KLHL14: variants seen among roughly 807,000 people sequenced by gnomAD.
KLHL14 encodes the protein kelch like family member 14.
Under a neutral mutation model 64.3 loss-of-function variants are expected in KLHL14, and 22 were observed. The ratio of observed to expected loss-of-function variants is 0.34; its 90% CI spans 0.24 to 0.49. The LOEUF is 0.49. Ranked by LOEUF, KLHL14 falls within the 20% of genes least tolerant of loss-of-function variation. KLHL14 has a pLI of 0.99. For synonymous variants in KLHL14, 322 were observed against 333.4 expected (o/e 0.97, Z 0.37); for missense variants, 661 against 789.0 (o/e 0.84, Z 1.94).
At chr18:32,722,207 G>A (rs1263423707) in intron 3 of KLHL14, among the ~76,000 whole-genome samples, 2 of 152,144 alleles carry the variant, frequency 1.3e-5, no homozygotes, top group Non-Finnish European at 2.9e-5. Flanking sequence ...TAATTACCCA[G>A]TCTTAGATAT....
intron 8 of KLHL14, among the ~76,000 whole-genome samples, chr18:32,676,185 C>A (rs1044117523): frequency 6.6e-6 from 1 of 152,236 alleles, no homozygotes; most frequent in Admixed American, 6.5e-5. Flanking sequence ...TTTAATTATG[C>A]CCTTATCTCT....
At chr18:32,747,046 A>G (rs1390339341) in intron 2 of KLHL14, among the ~76,000 whole-genome samples, 2 of 152,256 alleles carry the variant, frequency 1.3e-5, no homozygotes, top group African/African-American at 4.8e-5. Flanking sequence ...TTTTTTAAAC[A>G]AGTAATTATT....
At chr18:32,731,719 T>C (rs2050137901) in intron 3 of KLHL14, among the ~76,000 whole-genome samples, 1 of 152,034 alleles carries the variant, frequency 6.6e-6, no homozygotes, top group East Asian at 1.9e-4. Flanking sequence ...TCTACGTGTA[T>C]ATATCTATAT....
chr18:32,727,120 A>G (rs1260641137), intron 3 of KLHL14, among the ~76,000 whole-genome samples: 2 of 152,222 alleles, frequency 1.3e-5, no homozygotes, highest in African/African-American at 4.8e-5. Flanking sequence ...TGGCTACTAT[A>G]TTTGTGAATG....
intron 3 of KLHL14, chr18:32,740,660 A>G (rs1458205025): frequency 6.6e-6 from 1 of 152,228 alleles, no homozygotes; most frequent in Non-Finnish European, 1.5e-5. Context: ...CGATGTTTAA[A>G]CCACTACTAA....
intron 3 of KLHL14, among the ~76,000 whole-genome samples, chr18:32,735,410 G>A (rs978478857): frequency 6.6e-6 from 1 of 152,132 alleles, no homozygotes. Context: ...GCCTGCCATT[G>A]AAGTTCCTGT....
chr18:32,684,515 T>C (rs963865395), intron 5 of KLHL14, among the ~76,000 whole-genome samples: 34 of 152,252 alleles, frequency 2.2e-4, no homozygotes, highest in Middle Eastern at 3.4e-3. Context: ...GTCTATAACT[T>C]AAAATGAAAT....
chr18:32,745,970 T>A (rs745528306), intron 2 of KLHL14, among the ~76,000 whole-genome samples: 34 of 152,224 alleles, frequency 2.2e-4, no homozygotes, highest in Non-Finnish European at 3.2e-4. Context: ...CTTTACAGGT[T>A]TAATTTTAGA....
chr18:32,752,282 G>A (rs980764734), intron 2 of KLHL14, among the ~76,000 whole-genome samples: 2 of 151,974 alleles, frequency 1.3e-5, no homozygotes, highest in Admixed American at 6.6e-5. Context: ...TCCCTTACTT[G>A]TTTCAAGGTT....
chr18:32,757,942 C>T (rs12457641), intron 2 of KLHL14, among the ~76,000 whole-genome samples: 36,346 of 152,092 alleles, frequency 0.24, 5,481 homozygotes, highest in East Asian at 0.56. Flanking sequence ...AATAGTATAA[C>T]ATGTTCCTGC....
chr18:32,728,469 C>G lies in KLHL14; in HGVS notation c.1069+13459G>C, dbSNP rs2050118270. On this transcript the variant is annotated intron_variant, in intron 3 of 8. Coordinates refer to ENST00000359358, the MANE Select transcript of KLHL14 (RefSeq NM_020805.3). Reference sequence around the variant, plus strand: ...TGAAGTGCTTAGAATTTTGTTATATCTTTTTCTTATGTGTGTCATTCTCTA... The same window carrying G: ...TGAAGTGCTTAGAATTTTGTTATATGTTTTTCTTATGTGTGTCATTCTCTA... Among the ~76,000 whole-genome samples, 4 of 152,244 alleles carry G rather than the reference C, an allele frequency of 2.6e-5. No individual in the cohort carries two copies. In the South Asian group the frequency reaches 8.3e-4, roughly 32 times the overall value.
chr18:32,679,518 T>C (rs2144464884), intron 7 of KLHL14, among the ~76,000 whole-genome samples: 1 of 152,260 alleles, frequency 6.6e-6, no homozygotes, highest in African/African-American at 2.4e-5. Flanking sequence ...ACATTCAGTG[T>C]TACATGCATG....
Position 32,693,405 on chromosome 18 carries a change from CACACACACAGAGAGAG to C in KLHL14, c.1159+2042_1159+2057del, listed in dbSNP as rs1483064043. Among the ~76,000 whole-genome samples, 42 of 120,924 alleles carry C rather than the reference CACACACACAGAGAGAG, an allele frequency of 3.5e-4. 1 individual carries two copies. In the South Asian group the frequency reaches 9.6e-3, roughly 28 times the overall value. The allele number at this position is 120,924 out of a possible 152,430, so 79.3% of individuals were successfully genotyped here. ...ACACACACACACACACACACACACA[CACACACACAGAGAGAG>C]AGAGAGAGAGAGAGAGAGAGAGAGA... On this transcript the variant is annotated intron_variant, in intron 4 of 8. Coordinates refer to ENST00000359358, the MANE Select transcript of KLHL14 (RefSeq NM_020805.3).
chr18:32,713,579 C>A (rs1283760438), intron 3 of KLHL14, among the ~76,000 whole-genome samples: 1 of 152,104 alleles, frequency 6.6e-6, no homozygotes, highest in Non-Finnish European at 1.5e-5. Flanking sequence ...CATAGGGAGA[C>A]CCCATCTGTA....
chr18:32,747,961 G>A lies in KLHL14; in HGVS notation c.948-5912C>T, dbSNP rs761761880. Among the ~76,000 whole-genome samples the A allele has an allele frequency of 3.3e-5, 5 of 152,282 alleles. 1 individual carries two copies. Among genetic ancestry groups the A allele is most frequent in the Middle Eastern group, 6.8e-3 (2 of 294 alleles). On this transcript the variant is annotated intron_variant, in intron 2 of 8. Transcript: ENST00000359358. ...TTCAATTCGTTTACAGTTAGCAATT[G>A]TTAACTGAGTTCCTACTATGTTCCA...
At chr18:32,706,301 G>A (rs937191998) in intron 3 of KLHL14, among the ~76,000 whole-genome samples, 2 of 152,120 alleles carry the variant, frequency 1.3e-5, no homozygotes, top group East Asian at 3.9e-4. Context: ...TGTGCCCAAG[G>A]TGGATGGTCA....
intron 4 of KLHL14, among the ~76,000 whole-genome samples, chr18:32,692,048 T>C (rs560257648): frequency 6.6e-6 from 1 of 152,344 alleles, no homozygotes; most frequent in East Asian, 1.9e-4. Context: ...GCTGGGGCAC[T>C]GACAGAGTCT....
At chr18:32,732,823 CTG>C (rs943543503) in intron 3 of KLHL14, among the ~76,000 whole-genome samples, 15 of 152,134 alleles carry the variant, frequency 9.9e-5, no homozygotes, top group South Asian at 2.1e-4. Context: ...GATAAGGAAA[CTG>C]AGATAGAAGA....
chr18:32,771,676 G>C (rs1402404087), intron 1 of KLHL14, among the ~76,000 whole-genome samples: 1 of 152,098 alleles, frequency 6.6e-6, no homozygotes, highest in African/African-American at 2.4e-5. Context: ...CTGGAGGCCG[G>C]GAGGGATTCG....
Sources: gnomAD v4.1 joint callset for allele counts (sites outside exome capture counted in the v4.1 genomes callset) on GRCh38, gnomAD v4.1.1 for gene constraint, MANE v1.5 for transcripts, NCBI Gene and HGNC (gene_info 2026-07-23, HGNC 2026-07-21) for gene names.